The following LCMT1 variants were observed in gnomAD, a reference collection of about 807,000 sequenced individuals.
LCMT1 encodes leucine carboxyl methyltransferase 1, also known as [Phosphatase 2A protein]-leucine-carboxy methyltransferase 1.
Under a neutral mutation model 47.7 loss-of-function variants are expected in LCMT1, and 32 were observed. The ratio of observed to expected loss-of-function variants is 0.67; its 90% CI spans 0.51 to 0.90. The LOEUF is 0.90. Among genes scored for constraint, LCMT1 ranks in the 40% least tolerant of loss-of-function variants. LCMT1 has a pLI of 0.00. For missense variants in LCMT1, 375 were observed against 415.2 expected, an observed-to-expected ratio of 0.90 and a Z score of 0.84; for synonymous variants, 152 against 149.7, an observed-to-expected ratio of 1.02 and a Z score of -0.11.
intron 10 of LCMT1, among the ~76,000 whole-genome samples, chr16:25,176,105 G>A (rs1961924375): frequency 6.6e-6 from 1 of 152,106 alleles, no homozygotes; most frequent in Non-Finnish European, 1.5e-5. Context: ...TCTCATTAAG[G>A]TGCACATGCC....
intron 3 of LCMT1, among the ~76,000 whole-genome samples, chr16:25,136,218 C>G (rs1201334638): frequency 6.6e-6 from 1 of 152,014 alleles, no homozygotes; most frequent in Non-Finnish European, 1.5e-5. Context: ...CTACTTTTCT[C>G]CATCTCCCTG....
At chr16:25,141,926 C>T (rs1960706270) in intron 4 of LCMT1, 1 of 152,228 alleles carries the variant, frequency 6.6e-6, no homozygotes, top group South Asian at 2.1e-4. Flanking sequence ...GGGGCTATTC[C>T]AACTCCTGCC....
intron 3 of LCMT1, among the ~76,000 whole-genome samples, chr16:25,138,790 C>A (rs1435988115): frequency 6.6e-6 from 1 of 152,142 alleles, no homozygotes; most frequent in Non-Finnish European, 1.5e-5. Context: ...GTATACCTTC[C>A]CTTATTGTTA....
chr16:25,161,764 T>C (rs1017851975), intron 6 of LCMT1, among the ~76,000 whole-genome samples: 2 of 152,000 alleles, frequency 1.3e-5, no homozygotes, highest in African/African-American at 4.8e-5. Context: ...GAAACATATT[T>C]GTAACATATA....
intron 5 of LCMT1, among the ~76,000 whole-genome samples, chr16:25,155,657 T>A (rs1961230945): frequency 6.6e-6 from 1 of 150,720 alleles, no homozygotes; most frequent in African/African-American, 2.4e-5. Flanking sequence ...TGATTTTACT[T>A]TCTTTTCTTT....
chr16:25,164,489 G>A, intron 6 of LCMT1, 109 bp from the exon 7 acceptor site: 1 of 1,350,706 alleles, frequency 7.4e-7, no homozygotes, highest in Non-Finnish European at 1.0e-6. Context: ...CAGGCCTTCT[G>A]AGTTCCCTGG....
intron 6 of LCMT1, among the ~76,000 whole-genome samples, chr16:25,162,538 A>G (rs1164207488): frequency 1.3e-5 from 2 of 151,380 alleles, no homozygotes; most frequent in South Asian, 2.1e-4. Flanking sequence ...GCAGTGAGCC[A>G]AGATCATGAC....
intron 9 of LCMT1, among the ~76,000 whole-genome samples, chr16:25,171,743 A>G (rs943966823): frequency 2.6e-5 from 4 of 152,322 alleles, no homozygotes; most frequent in Admixed American, 2.6e-4. Context: ...TTCTTGTTCT[A>G]AAAAGTTCCT....
chr16:25,130,067 G>A (rs1219608455), intron 2 of LCMT1, among the ~76,000 whole-genome samples: 3 of 152,154 alleles, frequency 2.0e-5, no homozygotes, highest in East Asian at 3.8e-4. Flanking sequence ...AGGGCTGGAC[G>A]TGATGGCTCA....
At chr16:25,169,324 C>A (rs1156554333) in intron 8 of LCMT1, 111 bp downstream of exon 8, 2 of 712,226 alleles carry the variant, frequency 2.8e-6, no homozygotes, top group Non-Finnish European at 4.9e-6. Flanking sequence ...TGCCTGTCAG[C>A]AGCACAGGCT....
chr16:25,114,645 A>G (rs1242659552), intron 1 of LCMT1, among the ~76,000 whole-genome samples: 1 of 152,002 alleles, frequency 6.6e-6, no homozygotes, highest in East Asian at 1.9e-4. Flanking sequence ...ACCACCTGAT[A>G]ATCAACATCA....
At chr16:25,169,756 C>A (rs1309700964) in intron 8 of LCMT1, among the ~76,000 whole-genome samples, 1 of 141,988 alleles carries the variant, frequency 7.0e-6, no homozygotes, top group Non-Finnish European at 1.5e-5. Context: ...GTTTAAAAAA[C>A]CTTTTTTTTA....
chr16:25,153,334 T>C (rs1321331492), intron 5 of LCMT1, among the ~76,000 whole-genome samples: 1 of 152,238 alleles, frequency 6.6e-6, no homozygotes, highest in Non-Finnish European at 1.5e-5. Flanking sequence ...AGTACAGTTC[T>C]GGAAGCTGAG....
chr16:25,135,284 A>AAAAAAAAAAAAAAAATAT (rs1555482753), intron 3 of LCMT1, among the ~76,000 whole-genome samples: 1 of 140,652 alleles, frequency 7.1e-6, no homozygotes, highest in African/African-American at 2.5e-5. Context: ...TTTCTTTTAA[A>AAAAAAAAAAAAAAAATAT]ATATATATCT....
chr16:25,158,227 T>C (rs1008328388), intron 5 of LCMT1, among the ~76,000 whole-genome samples: 6 of 152,156 alleles, frequency 3.9e-5, no homozygotes, highest in African/African-American at 1.4e-4. Flanking sequence ...TCTCAGCTCA[T>C]TGCAACCTCC....
chr16:25,172,135 G>A (rs1157051109), intron 9 of LCMT1, among the ~76,000 whole-genome samples: 1 of 151,954 alleles, frequency 6.6e-6, no homozygotes, highest in Admixed American at 6.6e-5. Flanking sequence ...GTGAAACCCT[G>A]TCTCTACTAA....
intron 1 of LCMT1, among the ~76,000 whole-genome samples, chr16:25,124,820 G>A (rs1468912920): frequency 6.6e-6 from 1 of 152,234 alleles, no homozygotes; most frequent in Non-Finnish European, 1.5e-5. Context: ...GGAGGAAAGT[G>A]AGATGATTTT....
At chr16:25,161,318 G>A (rs1198145870) in intron 6 of LCMT1, 114 bp downstream of exon 6, 5 of 513,048 alleles carry the variant, frequency 9.7e-6, no homozygotes, top group Middle Eastern at 3.9e-4. Flanking sequence ...TTCTTTAAGA[G>A]TTTTATCATT....
intron 7 of LCMT1, among the ~76,000 whole-genome samples, chr16:25,166,152 C>G (rs369332399): frequency 3.0e-4 from 46 of 151,956 alleles, no homozygotes; most frequent in African/African-American, 1.1e-3. Context: ...CGCCTATAAT[C>G]CCAGCTACTT....
Sources: allele counts gnomAD v4.1 joint callset (sites outside exome capture counted in the v4.1 genomes callset), GRCh38; gene constraint gnomAD v4.1.1; transcripts MANE v1.5; gene names NCBI Gene and HGNC (gene_info 2026-07-23, HGNC 2026-07-21).